KIAA1671: variants seen among roughly 807,000 people sequenced by gnomAD.
KIAA1671 encodes KIAA1671.
KIAA1671 carries 52 observed loss-of-function variants against 131.2 expected under a neutral mutation model. That is an observed-to-expected ratio of 0.40 (90% CI 0.32 to 0.50). The LOEUF is 0.50. Among genes scored for constraint, KIAA1671 ranks in the 20% least tolerant of loss-of-function variants. The pLI is 0.73. For synonymous variants in KIAA1671, 1,003 were observed against 961.6 expected, an observed-to-expected ratio of 1.04 and a Z score of -0.80; for missense variants, 2,360 against 2,364.2, an observed-to-expected ratio of 1.00 and a Z score of 0.04.
At chr22:25,123,480 C>A (rs1007554934) in intron 6 of KIAA1671, among the ~76,000 whole-genome samples, 1 of 152,156 alleles carries the variant, frequency 6.6e-6, no homozygotes, top group Non-Finnish European at 1.5e-5. Context: ...GCGTGAGCTA[C>A]CGTGCCCGGC....
chr22:24,959,505 G>A (rs1421058964), intron 1 of KIAA1671, among the ~76,000 whole-genome samples: 1 of 152,100 alleles, frequency 6.6e-6, no homozygotes, highest in African/African-American at 2.4e-5. Flanking sequence ...CTGGGCAACA[G>A]AGTGAGACTC....
At chr22:25,136,834 C>A (rs1932698582) in intron 6 of KIAA1671, among the ~76,000 whole-genome samples, 1 of 152,112 alleles carries the variant, frequency 6.6e-6, no homozygotes, top group Non-Finnish European at 1.5e-5. Flanking sequence ...TCTTTAAAAA[C>A]CAAAGAGAAA....
chr22:25,147,555 C>T (rs1932907171), intron 6 of KIAA1671, among the ~76,000 whole-genome samples: 1 of 152,190 alleles, frequency 6.6e-6, no homozygotes, highest in Non-Finnish European at 1.5e-5. Flanking sequence ...TGCCCTCCCC[C>T]TGGGATGCCT....
intron 1 of KIAA1671, among the ~76,000 whole-genome samples, chr22:25,003,451 G>A (rs530156053): frequency 1.7e-4 from 21 of 125,422 alleles, no homozygotes; most frequent in East Asian, 9.0e-4. Flanking sequence ...TTGCTCTGTC[G>A]CCCAGGCTGG....
At position 25,195,825 on chromosome 22, in the gene KIAA1671, C is replaced by T. The variant is rs1198030878; in HGVS notation, c.*3424C>T. On this transcript the variant is annotated 3_prime_UTR_variant, in exon 13 of 13. Transcript: ENST00000358431. ...CTCCTCCCCAGTGTAGATATTTAAA[C>T]CAGAGTAAGTGATGGGGAGACATTC... 7.2e-6 allele frequency: 1 copy of T among 139,612 alleles called. No homozygotes were observed. Among genetic ancestry groups the T allele is most frequent in the African/African-American group, 2.5e-5 (1 of 40,642 alleles). The allele number at this position is 139,612 out of a possible 1,614,324, so 8.6% of individuals were successfully genotyped here. A position where few individuals can be genotyped will look rare whatever the true frequency, so the allele number is the denominator to read the frequency against.
intron 6 of KIAA1671, among the ~76,000 whole-genome samples, chr22:25,151,429 C>CTTTTTTT (rs67444002): frequency 1.9e-5 from 2 of 104,764 alleles, no homozygotes; most frequent in African/African-American, 4.0e-5. Flanking sequence ...AACATGAACT[C>CTTTTTTT]TTTTTTTTTT....
chr22:24,983,130 CA>C (rs1484682297), intron 1 of KIAA1671, among the ~76,000 whole-genome samples: 2 of 152,126 alleles, frequency 1.3e-5, no homozygotes, highest in Non-Finnish European at 2.9e-5. Context: ...GAAAGAAGAC[CA>C]GGATGCTTTG....
intron 6 of KIAA1671, among the ~76,000 whole-genome samples, chr22:25,100,718 G>A (rs1182537901): frequency 1.3e-5 from 2 of 152,218 alleles, no homozygotes; most frequent in Admixed American, 6.5e-5. Context: ...GCTACTGTGA[G>A]TTGAGACTAT....
chr22:25,015,522 T>C (rs2123882292), intron 1 of KIAA1671, among the ~76,000 whole-genome samples: 1 of 152,242 alleles, frequency 6.6e-6, no homozygotes, highest in East Asian at 1.9e-4. Flanking sequence ...TAAAGATAAG[T>C]TGTAACATTG....
intron 1 of KIAA1671, among the ~76,000 whole-genome samples, chr22:24,999,143 C>T (rs1367624914): frequency 6.6e-6 from 1 of 152,188 alleles, no homozygotes; most frequent in Admixed American, 6.5e-5. Flanking sequence ...ACATCCTTAT[C>T]ACCACTTGGT....
intron 3 of KIAA1671, among the ~76,000 whole-genome samples, chr22:25,031,143 C>T (rs1345520341): frequency 6.6e-6 from 1 of 152,024 alleles, no homozygotes; most frequent in African/African-American, 2.4e-5. Context: ...TCTCCTGCCT[C>T]AGCCTCCGCA....
intron 7 of KIAA1671, among the ~76,000 whole-genome samples, chr22:25,171,938 G>T (rs1227209809): frequency 1.3e-5 from 2 of 152,094 alleles, no homozygotes; most frequent in African/African-American, 4.8e-5. Flanking sequence ...ATGGCAAATT[G>T]TATTTTACCA....
intron 1 of KIAA1671, among the ~76,000 whole-genome samples, chr22:24,996,856 G>T (rs2123854904): frequency 6.6e-6 from 1 of 152,314 alleles, no homozygotes; most frequent in East Asian, 1.9e-4. Flanking sequence ...GCAGCTGGGG[G>T]ATGGGTGCCG....
intron 6 of KIAA1671, among the ~76,000 whole-genome samples, chr22:25,144,344 C>T (rs940842061): frequency 2.6e-5 from 4 of 152,196 alleles, no homozygotes; most frequent in Non-Finnish European, 4.4e-5. Context: ...GACTAATCCC[C>T]ACTCACTCCG....
At position 25,196,131 on chromosome 22, in the gene KIAA1671, C is replaced by T. The variant is rs1018516154; in HGVS notation, c.*3730C>T. 21 of 152,320 alleles carry T rather than the reference C, an allele frequency of 1.4e-4. No homozygotes were observed. Among genetic ancestry groups the T allele is most frequent in the African/African-American group, 4.6e-4 (19 of 41,568 alleles). 9.4% of individuals were successfully genotyped at this position (152,320 alleles called of 1,614,324 possible). ...GCCAGGTCTTTGCCAGCCTGCGTCT[C>T]CTTTTGCACCCCCCAATCCAGAGTT... On this transcript the variant is annotated 3_prime_UTR_variant, in exon 13 of 13. Coordinates refer to ENST00000358431, the MANE Select transcript of KIAA1671 (RefSeq NM_001145206.2).
intron 7 of KIAA1671, among the ~76,000 whole-genome samples, chr22:25,173,972 C>T (rs5760890): frequency 0.077 from 11,736 of 152,146 alleles, 516 homozygotes; most frequent in East Asian, 0.16. Flanking sequence ...TCCAGGACAG[C>T]GCAGGGCCAA....
chr22:25,153,618 G>A (rs1459276172), intron 6 of KIAA1671, among the ~76,000 whole-genome samples: 1 of 152,254 alleles, frequency 6.6e-6, no homozygotes, highest in African/African-American at 2.4e-5. Flanking sequence ...CACGGTGTTG[G>A]TGAGAGGCCC....
intron 9 of KIAA1671, chr22:25,179,541 C>T (rs1191403025): frequency 6.3e-7 from 1 of 1,587,900 alleles, no homozygotes; most frequent in Middle Eastern, 1.7e-4. Context: ...TGCTTCAGCA[C>T]CTGCGCCTCC....
At position 25,101,392 on chromosome 22, in the gene KIAA1671, G is replaced by T. The variant is rs758915008; in HGVS notation, c.4530+52028G>T. Among the ~76,000 whole-genome samples, 186 of 152,194 alleles carry T rather than the reference G, an allele frequency of 1.2e-3. 1 individual carries two copies. Among genetic ancestry groups the T allele is most frequent in the Non-Finnish European group, 2.3e-3 (157 of 68,030 alleles). ...CACATGGCAGACTCTCCACAGCATG[G>T]AAAACGCTGCTTTCTACTTGAGCTG... On this transcript the variant is annotated intron_variant, in intron 6 of 12. Coordinates refer to ENST00000358431, the MANE Select transcript of KIAA1671 (RefSeq NM_001145206.2).
Sources: allele counts gnomAD v4.1 joint callset (sites outside exome capture counted in the v4.1 genomes callset), GRCh38; gene constraint gnomAD v4.1.1; transcripts MANE v1.5; gene names NCBI Gene and HGNC (gene_info 2026-07-23, HGNC 2026-07-21).